Variants in RIMS1 observed in about 807,000 individuals in gnomAD.
RIMS1 encodes regulating synaptic membrane exocytosis protein 1.
Under a neutral mutation model 214.1 loss-of-function variants are expected in RIMS1, and 83 were observed. That is an observed-to-expected ratio of 0.39 (90% confidence interval 0.32 to 0.47). RIMS1 has a LOEUF of 0.47. Among genes scored for constraint, RIMS1 ranks in the 20% least tolerant of loss-of-function variants. The pLI is 0.99. For missense variants in RIMS1, 2,050 were observed against 2,161.8 expected (o/e 0.95, Z 1.03); for synonymous variants, 793 against 786.8 (o/e 1.01, Z -0.13).
At chr6:72,200,312 G>C (rs954299165) in intron 6 of RIMS1, among the ~76,000 whole-genome samples, 3 of 152,052 alleles carry the variant, frequency 2.0e-5, no homozygotes, top group Non-Finnish European at 4.4e-5. Context: ...ATTGCTTAGA[G>C]CATAGTCCCT....
At chr6:72,281,072 C>T (rs1471812036) in intron 23 of RIMS1, among the ~76,000 whole-genome samples, 1 of 152,116 alleles carries the variant, frequency 6.6e-6, no homozygotes, top group Non-Finnish European at 1.5e-5. Context: ...GCTGAGATTA[C>T]ACCCAGTTCA....
At position 72,337,004 on chromosome 6, in the gene RIMS1, C is replaced by T. The variant is rs138271875; in HGVS notation, c.4366+3169C>T. Among the ~76,000 whole-genome samples the T allele has an allele frequency of 2.9e-3, 438 of 151,866 alleles. 4 individuals are homozygous for T. The highest frequency in any genetic ancestry group is 3.1e-3 in the Non-Finnish European group (207 of 67,826). On this transcript the variant is annotated intron_variant, in intron 29 of 33. Coordinates refer to ENST00000521978, the MANE Select transcript of RIMS1 (RefSeq NM_014989.7). ...CTATGAAATATTACTTAATTTTAAT[C>T]TCCCATAAGAAAGCCCCTCTTAGAT...
At chr6:71,923,834 G>A (rs1199146377) in intron 1 of RIMS1, among the ~76,000 whole-genome samples, 4 of 152,116 alleles carry the variant, frequency 2.6e-5, no homozygotes, top group East Asian at 1.9e-4. Context: ...AAAGTGCTGG[G>A]ATTACAGATG....
chr6:72,230,594 A>G (rs980221702), intron 6 of RIMS1, among the ~76,000 whole-genome samples: 2 of 151,578 alleles, frequency 1.3e-5, no homozygotes, highest in South Asian at 2.1e-4. Context: ...AACACTAGAC[A>G]TCATGATACA....
intron 6 of RIMS1, among the ~76,000 whole-genome samples, chr6:72,183,560 G>T (rs1588684877): frequency 9.1e-6 from 1 of 110,128 alleles, no homozygotes. Context: ...TATTACAGTT[G>T]CAAAGGTAGT....
chr6:72,248,558 G>A (rs1245063111), intron 12 of RIMS1, among the ~76,000 whole-genome samples: 3 of 152,108 alleles, frequency 2.0e-5, no homozygotes, highest in Non-Finnish European at 4.4e-5. Context: ...ACTCTTCGTT[G>A]CCACTGAAAG....
In RIMS1 at chr6:72,305,423, G is replaced by A. The variant is rs1284796232; in HGVS notation, c.3851-1835G>A. Among the ~76,000 whole-genome samples the A allele has an allele frequency of 2.6e-5, 4 of 152,188 alleles. No homozygotes were observed. In the East Asian group the frequency reaches 7.7e-4, roughly 29 times the overall value. On this transcript the variant is annotated intron_variant, in intron 26 of 33. Transcript: ENST00000521978. ...TTTAAGTCTGTTTTTATTACAAATT[G>A]AGATTGTTTTGAGTTGCTTTAAGCT...
chr6:72,169,849 T>C (rs565707315), intron 4 of RIMS1, among the ~76,000 whole-genome samples: 21 of 152,196 alleles, frequency 1.4e-4, no homozygotes, highest in African/African-American at 4.3e-4. Flanking sequence ...AGGTTGAGGC[T>C]GCAGTGAGCT....
intron 23 of RIMS1, among the ~76,000 whole-genome samples, chr6:72,283,168 T>C (rs1195892901): frequency 6.6e-6 from 1 of 152,100 alleles, no homozygotes; most frequent in African/African-American, 2.4e-5. Flanking sequence ...AGATAATTAA[T>C]ATTAAATACA....
At chr6:72,343,887 C>T (rs1162882051) in intron 29 of RIMS1, among the ~76,000 whole-genome samples, 1 of 151,616 alleles carries the variant, frequency 6.6e-6, no homozygotes, top group Non-Finnish European at 1.5e-5. Context: ...TCACTAACTT[C>T]TCAAGATGAA....
intron 2 of RIMS1, among the ~76,000 whole-genome samples, chr6:72,036,114 G>A (rs1819538024): frequency 6.6e-6 from 1 of 152,082 alleles, no homozygotes; most frequent in Non-Finnish European, 1.5e-5. Flanking sequence ...ACATGATCCA[G>A]ATCAATTTCC....
At chr6:72,024,707 T>A (rs764586345) in intron 2 of RIMS1, among the ~76,000 whole-genome samples, 7 of 152,096 alleles carry the variant, frequency 4.6e-5, no homozygotes, top group Non-Finnish European at 7.4e-5. Flanking sequence ...AAGCCTACTC[T>A]ATAACAAGCA....
intron 29 of RIMS1, among the ~76,000 whole-genome samples, chr6:72,349,309 A>G (rs1260823114): frequency 1.3e-5 from 2 of 151,978 alleles, no homozygotes; most frequent in Non-Finnish European, 2.9e-5. Flanking sequence ...TACCATACTT[A>G]TTTTTCTCTT....
chr6:72,340,173 T>A (rs2097007831), intron 29 of RIMS1, among the ~76,000 whole-genome samples: 1 of 152,100 alleles, frequency 6.6e-6, no homozygotes, highest in Admixed American at 6.6e-5. Context: ...TCATTGTAGA[T>A]TCTGGATATT....
At chr6:72,031,590 T>G (rs977688188) in intron 2 of RIMS1, among the ~76,000 whole-genome samples, 32 of 152,044 alleles carry the variant, frequency 2.1e-4, no homozygotes, top group African/African-American at 7.7e-4. Flanking sequence ...TAGGAAAAAA[T>G]TTCATATGAG....
intron 4 of RIMS1, among the ~76,000 whole-genome samples, chr6:72,122,146 G>T (rs1480629819): frequency 6.6e-6 from 1 of 150,388 alleles, no homozygotes; most frequent in Non-Finnish European, 1.5e-5. Context: ...CCAGGCTTTG[G>T]TATCAGGATG....
At chr6:71,909,787 A>G (rs147264568) in intron 1 of RIMS1, among the ~76,000 whole-genome samples, 2 of 152,218 alleles carry the variant, frequency 1.3e-5, no homozygotes, top group African/African-American at 2.4e-5. Context: ...AATAAAATTT[A>G]TATTGTTTGG....
intron 2 of RIMS1, among the ~76,000 whole-genome samples, chr6:71,979,509 C>T (rs1564608): frequency 0.88 from 133,235 of 152,092 alleles, 58,419 homozygotes; most frequent in East Asian, 1. Flanking sequence ...TAAATATTGT[C>T]CATATATTCT....
chr6:72,146,191 A>G (rs746620608), intron 4 of RIMS1, among the ~76,000 whole-genome samples: 18 of 152,238 alleles, frequency 1.2e-4, no homozygotes, highest in Non-Finnish European at 2.1e-4. Context: ...CTCTACAGCT[A>G]TCGGAAACTG....
Sources: gnomAD v4.1 joint callset for allele counts (sites outside exome capture counted in the v4.1 genomes callset) on GRCh38, gnomAD v4.1.1 for gene constraint, MANE v1.5 for transcripts, NCBI Gene and HGNC (gene_info 2026-07-23, HGNC 2026-07-21) for gene names.